The following DCAF8L2 variants were observed in gnomAD, a reference collection of about 807,000 sequenced individuals.
The protein encoded by DCAF8L2 is DDB1- and CUL4-associated factor 8-like protein 2.
For missense variants in DCAF8L2, 430 were observed against 490.7 expected (o/e 0.88, Z 1.17); for synonymous variants, 200 against 190.9 (o/e 1.05, Z -0.39).
the DCAF8L2 span, among the ~76,000 whole-genome samples, chrX:27,559,143 C>G: frequency 1.8e-5 from 2 of 110,719 alleles, no homozygotes; most frequent in Non-Finnish European, 3.8e-5. Flanking sequence ...CATAGAACTG[C>G]GAGTCAATTA....
At chrX:27,500,622 T>C in the DCAF8L2 span, among the ~76,000 whole-genome samples, 1 of 111,953 alleles carries the variant, frequency 8.9e-6, no homozygotes, top group African/African-American at 3.2e-5. Context: ...TAATTTACTT[T>C]TGGGCTAAAA....
intron 1 of DCAF8L2, among the ~76,000 whole-genome samples, chrX:27,595,483 G>C (rs749211578): frequency 1.3e-4 from 14 of 111,663 alleles, no homozygotes; most frequent in Non-Finnish European, 2.3e-4. Flanking sequence ...CATTGCTACA[G>C]ATTTCTGCTC....
chrX:27,687,903 T>C (rs1323232123), intron 3 of DCAF8L2, among the ~76,000 whole-genome samples: 3 of 111,753 alleles, frequency 2.7e-5, no homozygotes, highest in Non-Finnish European at 5.6e-5. Context: ...TATTAGAGTT[T>C]TAGATTTAAT....
chrX:27,494,865 A>G, the DCAF8L2 span, among the ~76,000 whole-genome samples: 2 of 111,636 alleles, frequency 1.8e-5, no homozygotes, highest in African/African-American at 6.5e-5. Flanking sequence ...AGTTTTATTT[A>G]AATTAATTTT....
the DCAF8L2 span, among the ~76,000 whole-genome samples, chrX:27,484,434 C>A: frequency 9.0e-6 from 1 of 110,757 alleles, no homozygotes; most frequent in African/African-American, 3.3e-5. Context: ...TTAGTGTTAA[C>A]TTGAAAATAT....
the DCAF8L2 span, among the ~76,000 whole-genome samples, chrX:27,569,053 T>G: frequency 0.021 from 2,337 of 109,420 alleles, 36 homozygotes; most frequent in Middle Eastern, 0.046. Context: ...AACCAATTAA[T>G]TCATTATCCA....
chrX:27,579,920 A>T, the DCAF8L2 span, among the ~76,000 whole-genome samples: 1 of 108,653 alleles, frequency 9.2e-6, no homozygotes, highest in Non-Finnish European at 1.9e-5. Context: ...TATATTAAAT[A>T]ATATAGTTAA....
At chrX:27,468,987 C>T in the DCAF8L2 span, among the ~76,000 whole-genome samples, 2 of 111,802 alleles carry the variant, frequency 1.8e-5, no homozygotes, top group Non-Finnish European at 3.8e-5. Context: ...ATTGTCTTCC[C>T]AGTGTCTCAG....
the DCAF8L2 span, among the ~76,000 whole-genome samples, chrX:27,560,144 G>T: frequency 9.2e-6 from 1 of 109,184 alleles, no homozygotes; most frequent in African/African-American, 3.3e-5. Flanking sequence ...GTGGGTGCCT[G>T]TAGTCCCAGC....
At chrX:27,693,909 C>T (rs1402924818) in intron 3 of DCAF8L2, among the ~76,000 whole-genome samples, 1 of 111,783 alleles carries the variant, frequency 8.9e-6, no homozygotes, top group Non-Finnish European at 1.9e-5. Context: ...TACATACACT[C>T]ATATGTTCAT....
At chrX:27,557,220 A>G in the DCAF8L2 span, among the ~76,000 whole-genome samples, 3 of 112,351 alleles carry the variant, frequency 2.7e-5, no homozygotes, top group Non-Finnish European at 5.6e-5. Flanking sequence ...TGAATGATCA[A>G]AATACTACAG....
the DCAF8L2 span, among the ~76,000 whole-genome samples, chrX:27,571,733 T>C: frequency 3.6e-3 from 404 of 111,497 alleles, 2 homozygotes; most frequent in African/African-American, 0.012. Context: ...CCACCTCCTC[T>C]TGAAGTCCAG....
the DCAF8L2 span, among the ~76,000 whole-genome samples, chrX:27,504,968 G>C: frequency 9.0e-6 from 1 of 111,053 alleles, no homozygotes; most frequent in African/African-American, 3.3e-5. Context: ...TAGCATCTTT[G>C]TTTGACATAA....
chrX:27,708,834 C>T (rs949060234), intron 3 of DCAF8L2, among the ~76,000 whole-genome samples: 14 of 112,833 alleles, frequency 1.2e-4, no homozygotes, highest in African/African-American at 3.5e-4. Context: ...ATTTACTCTT[C>T]CATTACTGGA....
At chrX:27,725,176 A>G (rs1385055709) in intron 4 of DCAF8L2, among the ~76,000 whole-genome samples, 2 of 111,208 alleles carry the variant, frequency 1.8e-5, no homozygotes, top group East Asian at 2.8e-4. Context: ...AGAAAACTAT[A>G]TAAGCCAAGT....
chrX:27,474,160 G>T, the DCAF8L2 span, among the ~76,000 whole-genome samples: 1 of 111,509 alleles, frequency 9.0e-6, no homozygotes, highest in Non-Finnish European at 1.9e-5. Flanking sequence ...TTCAAAGAAA[G>T]AAAGGAAGAA....
the DCAF8L2 span, among the ~76,000 whole-genome samples, chrX:27,533,160 GAGAGAGAAAGAAAGAAAGAA>G: frequency 9.5e-3 from 393 of 41,533 alleles, 19 homozygotes; most frequent in Middle Eastern, 0.022. Flanking sequence ...GAGAGAGAGA[GAGAGAGAAAGAAAGAAAGAA>G]AGAAAGAAAG....
chrX:27,724,481 A>G (rs1250382508), intron 4 of DCAF8L2, among the ~76,000 whole-genome samples: 1 of 110,663 alleles, frequency 9.0e-6, no homozygotes, highest in Non-Finnish European at 1.9e-5. Flanking sequence ...TGGAAAACTG[A>G]GTTTGTAACT....
chrX:27,546,764 T>C, the DCAF8L2 span, among the ~76,000 whole-genome samples: 5 of 112,054 alleles, frequency 4.5e-5, no homozygotes, highest in Non-Finnish European at 9.4e-5. Flanking sequence ...CTGAAGTGGC[T>C]GAGACACAGG....
Sources: allele counts gnomAD v4.1 joint callset (sites outside exome capture counted in the v4.1 genomes callset), GRCh38; gene constraint gnomAD v4.1.1; transcripts MANE v1.5; gene names NCBI Gene and HGNC (gene_info 2026-07-23, HGNC 2026-07-21).